Variants in WWTR1 observed in about 807,000 individuals in gnomAD.
The protein encoded by WWTR1 is WW domain containing transcription regulator 1, also known as WW domain-containing transcription regulator protein 1.
In WWTR1, 13 loss-of-function variants were observed where a neutral mutation model predicts 40.1. The ratio of observed to expected loss-of-function variants is 0.32; its 90% CI spans 0.21 to 0.52. The LOEUF is 0.52. WWTR1 is among the 20% of genes least tolerant of loss of function. WWTR1 has a pLI of 0.97. For synonymous variants in WWTR1, 230 were observed against 210.1 expected (o/e 1.09, Z -0.82); for missense variants, 436 against 523.1 (o/e 0.83, Z 1.63).
At chr3:149,713,404 G>A (rs994269534) in intron 5 of WWTR1, among the ~76,000 whole-genome samples, 5 of 149,822 alleles carry the variant, frequency 3.3e-5, no homozygotes, top group African/African-American at 9.9e-5. Context: ...TTTTTGAGAC[G>A]GCGTCTCGCT....
Position 149,608,859 on chromosome 3 carries a change from C to A in WWTR1, c.432-35859G>T, listed in dbSNP as rs183536792. 2.6e-5 allele frequency among the ~76,000 whole-genome samples: 4 copies of A among 152,010 alleles called. No homozygotes were observed. In the East Asian group the frequency reaches 7.8e-4, roughly 30 times the overall value. ...CTTGAGCCCAGGAGTTTGAGACCAG[C>A]CTGGGCAACATGGCAAAACCCTGTC... On this transcript the variant is annotated intron_variant, in intron 2 of 6. Transcript: ENST00000360632.
At chr3:149,523,337 C>T (rs1233718083) in intron 6 of WWTR1, among the ~76,000 whole-genome samples, 1 of 152,066 alleles carries the variant, frequency 6.6e-6, no homozygotes. Context: ...CAACCTCCGC[C>T]TCCTGGGTTC....
chr3:149,620,568 C>CT (rs1023502127), intron 2 of WWTR1, among the ~76,000 whole-genome samples: 1 of 150,388 alleles, frequency 6.6e-6, no homozygotes, highest in Non-Finnish European at 1.5e-5. Flanking sequence ...CACCGCTCCC[C>CT]CCCACACACA....
At position 149,519,966 on chromosome 3, in the gene WWTR1, G is replaced by GA. The variant is rs57341972; in HGVS notation, c.*838dup. 0.4 allele frequency: 59,129 copies of GA among 147,400 alleles called. 13,944 individuals are homozygous for GA. The highest frequency in any genetic ancestry group is 0.53 in the Non-Finnish European group (35,802 of 67,040). 9.1% of individuals were successfully genotyped at this position (147,400 alleles called of 1,614,324 possible). On this transcript the variant is annotated 3_prime_UTR_variant, in exon 7 of 7. Coordinates refer to ENST00000360632, the MANE Select transcript of WWTR1 (RefSeq NM_015472.6). ...CTCAAAAACAAACAAACAACATCAA[G>GA]AAAAAAAAAAACCATCAGATTCTAA...
At chr3:149,592,880 G>GTAT (rs1488821450) in intron 2 of WWTR1, among the ~76,000 whole-genome samples, 3 of 152,050 alleles carry the variant, frequency 2.0e-5, no homozygotes, top group Non-Finnish European at 4.4e-5. Flanking sequence ...ATAAGGCCTT[G>GTAT]AACCCAGCTG....
intron 5 of WWTR1, 144 bp downstream of exon 5, chr3:149,527,692 G>A: frequency 8.1e-7 from 1 of 1,240,910 alleles, no homozygotes. Flanking sequence ...TCTTTTTTCT[G>A]CCAGCTCCTC....
intron 2 of WWTR1, among the ~76,000 whole-genome samples, chr3:149,598,592 C>CT (rs1396709253): frequency 6.6e-6 from 1 of 152,078 alleles, no homozygotes; most frequent in Admixed American, 6.5e-5. Context: ...TGGTTTCTGT[C>CT]TTTTTTCTAA....
intron 4 of WWTR1, among the ~76,000 whole-genome samples, chr3:149,530,062 A>C (rs555359489): frequency 6.6e-6 from 1 of 152,280 alleles, no homozygotes; most frequent in East Asian, 1.9e-4. Context: ...TAAGAATACA[A>C]GTTGAGGCCG....
intron 2 of WWTR1, among the ~76,000 whole-genome samples, chr3:149,595,435 T>C (rs1738952655): frequency 1.3e-5 from 2 of 152,196 alleles, no homozygotes. Flanking sequence ...AAAATGTTCT[T>C]CTTTTTTAGA....
rs964757222 is a variant in WWTR1 at position 149,719,227 on chromosome 3, G to A, written n.460-1661C>T. On this transcript the variant is annotated intron_variant and non_coding_transcript_variant, in intron 4 of 6. Coordinates refer to the WWTR1 transcript ENST00000474080. ...TCTGTTGCCCAGGCTGGGGTGCAGT[G>A]GCATCATCTTGGGGCTCACTGCAAC... is the stretch of plus-strand genomic sequence containing the variant. Among the ~76,000 whole-genome samples the A allele has an allele frequency of 2.0e-5, 3 of 150,812 alleles. No homozygotes were observed. The East Asian group carries it at 5.9e-4, about 30-fold the overall frequency.
intron 1 of WWTR1, among the ~76,000 whole-genome samples, chr3:149,686,219 AT>A (rs1337113327): frequency 6.6e-6 from 1 of 152,202 alleles, no homozygotes; most frequent in Non-Finnish European, 1.5e-5. Context: ...CTGCTCTACC[AT>A]TCTTGGAGTA....
At chr3:149,659,326 C>T (rs1179748111), upstream of WWTR1, 1 of 101,368 alleles carries the variant, frequency 9.9e-6, no homozygotes, top group East Asian at 3.1e-4. Flanking sequence ...ACGTATTGTG[C>T]CTTAATTTTT....
At chr3:149,579,814 A>G (rs891956667) in intron 2 of WWTR1, among the ~76,000 whole-genome samples, 2 of 152,226 alleles carry the variant, frequency 1.3e-5, no homozygotes, top group African/African-American at 4.8e-5. Flanking sequence ...TACTGAAGAC[A>G]ATTAGCTTAA....
At chr3:149,528,398 CTG>C (rs1005532200) in intron 4 of WWTR1, among the ~76,000 whole-genome samples, 3 of 152,204 alleles carry the variant, frequency 2.0e-5, no homozygotes, top group African/African-American at 4.8e-5. Flanking sequence ...GCCAGTAAAA[CTG>C]TGGAATTACA....
intron 2 of WWTR1, among the ~76,000 whole-genome samples, chr3:149,645,080 A>AT (rs201386611): frequency 7.6e-6 from 1 of 131,736 alleles, no homozygotes; most frequent in African/African-American, 3.3e-5. Context: ...CTTTTATTTT[A>AT]TTTATTTTTT....
intron 2 of WWTR1, among the ~76,000 whole-genome samples, chr3:149,596,756 C>T (rs1340167219): frequency 2.0e-5 from 3 of 152,206 alleles, no homozygotes; most frequent in South Asian, 4.1e-4. Context: ...AGCTGTGTGA[C>T]TTTGGATAAG....
chr3:149,695,865 C>A (rs1714971688), intron 1 of WWTR1, among the ~76,000 whole-genome samples: 1 of 150,398 alleles, frequency 6.6e-6, no homozygotes, highest in Non-Finnish European at 1.5e-5. Flanking sequence ...GTAATCCCAG[C>A]ACTTTGGGAG....
chr3:149,553,005 G>C (rs1439861854), intron 3 of WWTR1, among the ~76,000 whole-genome samples: 1 of 152,208 alleles, frequency 6.6e-6, no homozygotes, highest in Non-Finnish European at 1.5e-5. Context: ...ACATTGAACA[G>C]GGCCCAGCTT....
intron 2 of WWTR1, among the ~76,000 whole-genome samples, chr3:149,587,739 T>C (rs1237480208): frequency 6.6e-6 from 1 of 152,216 alleles, no homozygotes; most frequent in Non-Finnish European, 1.5e-5. Context: ...TGTACAGACA[T>C]AGATTTTGAA....
Sources: gnomAD v4.1 joint callset for allele counts (sites outside exome capture counted in the v4.1 genomes callset) on GRCh38, gnomAD v4.1.1 for gene constraint, MANE v1.5 for transcripts, NCBI Gene and HGNC (gene_info 2026-07-23, HGNC 2026-07-21) for gene names.